The following TTC13 variants were observed in gnomAD, a reference collection of about 807,000 sequenced individuals.
TTC13 encodes tetratricopeptide repeat protein 13.
In TTC13, 62 loss-of-function variants were observed where a neutral mutation model predicts 120.0. The ratio of observed to expected loss-of-function variants is 0.52; its 90% CI spans 0.42 to 0.64. The LOEUF (loss-of-function observed/expected upper bound fraction) is 0.64. Ranked by LOEUF, TTC13 falls within the 30% of genes least tolerant of loss-of-function variation. The probability of loss-of-function intolerance (pLI) is 0.00; values close to 1 mark genes in which losing one functional copy is unlikely to be tolerated. For missense variants in TTC13, 824 were observed against 1,050.2 expected (o/e 0.78, Z 2.98); for synonymous variants, 384 against 393.5 (o/e 0.98, Z 0.28).
chr1:230,908,930 G>A lies in TTC13; in HGVS notation c.2388+12C>T, dbSNP rs140533393. 3.9e-4 allele frequency: 634 copies of A among 1,613,674 alleles called. 6 individuals are homozygous for A. The African/African-American group carries it at 7.2e-3, about 18-fold the overall frequency. On this transcript the variant is annotated intron_variant, in intron 21 of 22. Coordinates refer to ENST00000366661, the MANE Select transcript of TTC13 (RefSeq NM_024525.5). Reference sequence around the variant, plus strand: ...CATAACCAAGCATTTCTCCCTTCCCGCTCCAACATACCTTCCCTTTGGGAA... The same window carrying A: ...CATAACCAAGCATTTCTCCCTTCCCACTCCAACATACCTTCCCTTTGGGAA...
chr1:230,947,315 A>G (rs928535203), intron 4 of TTC13, among the ~76,000 whole-genome samples: 2 of 152,144 alleles, frequency 1.3e-5, no homozygotes, highest in Non-Finnish European at 2.9e-5. Context: ...GCAGGAAAAA[A>G]GGGAACCTAA....
rs1223413654 is a variant in TTC13 at position 230,978,648 on chromosome 1, G to A, written c.183C>T (p.His61=). Residue 61 remains histidine, a synonymous_variant, in exon 1 of 23, where the codon CAC becomes CAT. Coordinates refer to ENST00000366661, the MANE Select transcript of TTC13 (RefSeq NM_024525.5). This position sits in a 1 kb window ranked among gnomAD's most constrained non-coding sequence, Gnocchi z 5.6. ...PLSLLKQELQ[H]RQQQEAPAGG... is the part of the protein sequence containing the mutation. The stretch of plus-strand genomic sequence containing the variant: ...CCGCCGGGGCCTCCTGCTGCTGCCG[G>A]TGCTGCAGCTCCTGCTTGAGCAGGG... 4 of 1,477,342 alleles carry A rather than the reference G, an allele frequency of 2.7e-6. No homozygotes were observed. The highest frequency in any genetic ancestry group is 3.6e-6 in the Non-Finnish European group (4 of 1,121,864). The allele number at this position is 1,477,342 out of a possible 1,614,324, so 91.5% of individuals were successfully genotyped here. A position where few individuals can be genotyped will look rare whatever the true frequency, so the allele number is the denominator to read the frequency against.
chr1:230,937,113 A>G (rs1674138926), intron 8 of TTC13, among the ~76,000 whole-genome samples: 1 of 152,232 alleles, frequency 6.6e-6, no homozygotes, highest in Non-Finnish European at 1.5e-5. Context: ...TTAATGCTCA[A>G]AATGAAAGCA....
chr1:230,925,622 T>C lies in TTC13; in HGVS notation c.1483A>G (p.Ser495Gly), dbSNP rs753943107. Residue 495 changes from serine to glycine, a missense_variant, in exon 13 of 23, where the codon AGT (serine) becomes GGT (glycine). Coordinates refer to ENST00000366661, the MANE Select transcript of TTC13 (RefSeq NM_024525.5). Reference sequence around the variant, plus strand: ...AGCTCCTGTACTTCAGGCTTATAACTCTCAAAATTCTGATGTAACACATCT... The same window carrying C: ...AGCTCCTGTACTTCAGGCTTATAACCCTCAAAATTCTGATGTAACACATCT... ...IKDVLHQNFE[S>G]YKPEVQELIC... 2 of 1,614,038 alleles carry C rather than the reference T, an allele frequency of 1.2e-6. No individual in the cohort carries two copies. The highest frequency in any genetic ancestry group is 1.7e-6 in the Non-Finnish European group (2 of 1,179,936).
intron 4 of TTC13, among the ~76,000 whole-genome samples, chr1:230,947,684 A>G (rs1194725087): frequency 1.3e-5 from 2 of 152,216 alleles, no homozygotes; most frequent in Admixed American, 1.3e-4. Context: ...GATAACATAC[A>G]TCTCCAGGAA....
intron 12 of TTC13, 134 bp downstream of exon 12, chr1:230,928,803 G>T: frequency 1.3e-6 from 1 of 799,522 alleles, no homozygotes; most frequent in Non-Finnish European, 2.0e-6. Flanking sequence ...AGGATAGTAT[G>T]CTTGATTGAA....
At chr1:230,922,988 G>A (rs1388280796) in intron 15 of TTC13, among the ~76,000 whole-genome samples, 1 of 151,938 alleles carries the variant, frequency 6.6e-6, no homozygotes, top group African/African-American at 2.4e-5. Context: ...AAGTCACAAG[G>A]TGAAAAGAAA....
chr1:230,910,934 C>A (rs571555678), intron 20 of TTC13, among the ~76,000 whole-genome samples: 49 of 152,326 alleles, frequency 3.2e-4, no homozygotes, highest in African/African-American at 1.1e-3. Flanking sequence ...ATTTACTGCA[C>A]ACAGTGCTGG....
chr1:230,924,946 A>T lies in TTC13; in HGVS notation c.1616T>A (p.Met539Lys). 6.2e-7 allele frequency: 1 copy of T among 1,614,226 alleles called. No individual in the cohort carries two copies. The highest frequency in any genetic ancestry group is 8.5e-7 in the Non-Finnish European group (1 of 1,180,042). The change falls in exon 14 of 23, where the codon ATG becomes AAG. Residue 539 changes from methionine (M) to lysine (K), a missense_variant. Met to Lys is a moderately conservative substitution (Grantham distance 95). Coordinates refer to ENST00000366661, the MANE Select transcript of TTC13 (RefSeq NM_024525.5). The part of the protein sequence containing the change: ...RAMGLAALEV[M>K]QAVQRTWTNS... ...GGTCCATGTACGCTGCACGGCTTGC[A>T]TGACCTCCAATGCGGCCAAACCCAT...
intron 1 of TTC13, among the ~76,000 whole-genome samples, chr1:230,965,359 C>CAT (rs1677033987): frequency 6.6e-6 from 1 of 152,066 alleles, no homozygotes. Context: ...GGCCAACAGG[C>CAT]ATATGAAAAG....
intron 8 of TTC13, among the ~76,000 whole-genome samples, chr1:230,937,281 T>C (rs760142845): frequency 5.9e-5 from 9 of 152,218 alleles, no homozygotes; most frequent in Admixed American, 2.0e-4. Flanking sequence ...ACAGTAACAA[T>C]GTTAAAAGTG....
At chr1:230,974,528 G>T (rs1383159344) in intron 1 of TTC13, among the ~76,000 whole-genome samples, 9 of 152,188 alleles carry the variant, frequency 5.9e-5, no homozygotes, top group Non-Finnish European at 1.2e-4. Flanking sequence ...CAGGTCTGTA[G>T]CCTAGAAGCA....
intron 4 of TTC13, among the ~76,000 whole-genome samples, chr1:230,949,404 T>TAA (rs71668369): frequency 4.1e-5 from 2 of 48,222 alleles, no homozygotes; most frequent in African/African-American, 7.8e-5. Flanking sequence ...AATTTTAAAT[T>TAA]AAAAAAAAAA....
chr1:230,920,444 T>C (rs757856096), intron 17 of TTC13, 66 bp downstream of exon 17: 1 of 1,159,874 alleles, frequency 8.6e-7, no homozygotes, highest in African/African-American at 1.5e-5. Flanking sequence ...GAGTTCTTTT[T>C]AAAAAAGTGC....
At chr1:230,927,696 G>A (rs1176569461) in intron 12 of TTC13, among the ~76,000 whole-genome samples, 2 of 152,040 alleles carry the variant, frequency 1.3e-5, no homozygotes, top group Non-Finnish European at 2.9e-5. Flanking sequence ...TTAGGTTCAA[G>A]GTAGTCCAAT....
intron 3 of TTC13, among the ~76,000 whole-genome samples, chr1:230,956,041 G>C (rs1255301707): frequency 6.6e-6 from 1 of 152,222 alleles, no homozygotes; most frequent in Non-Finnish European, 1.5e-5. Context: ...GCCAGGCACA[G>C]TAATATCCTT....
At chr1:230,977,755 G>A (rs1678480151) in intron 1 of TTC13, among the ~76,000 whole-genome samples, 1 of 151,970 alleles carries the variant, frequency 6.6e-6, no homozygotes, top group South Asian at 2.1e-4. Context: ...GAGATTGATG[G>A]GTAAAAAGAC....
intron 1 of TTC13, among the ~76,000 whole-genome samples, chr1:230,962,516 G>A (rs1319796966): frequency 6.6e-6 from 1 of 152,100 alleles, no homozygotes; most frequent in Non-Finnish European, 1.5e-5. Context: ...GTGTAAAATG[G>A]TACACCAGTT....
Position 230,978,639 on chromosome 1 carries a change from C to G in TTC13, c.192G>C (p.Gln64His). 6.8e-7 allele frequency: 1 copy of G among 1,473,286 alleles called. No homozygotes were observed. Among genetic ancestry groups the G allele is most frequent in the Non-Finnish European group, 8.9e-7 (1 of 1,119,524 alleles). The allele number at this position is 1,473,286 out of a possible 1,614,324, so 91.3% of individuals were successfully genotyped here. ...CGCCGCCGCCCGCCGGGGCCTCCTG[C>G]TGCTGCCGGTGCTGCAGCTCCTGCT... ...LLKQELQHRQ[Q>H]QEAPAGGGGC... The change falls in exon 1 of 23, where the codon CAG becomes CAC. Residue 64 changes from glutamine to histidine, a missense_variant. Coordinates refer to ENST00000366661, the MANE Select transcript of TTC13 (RefSeq NM_024525.5). The surrounding 1 kb of genome is among the most constrained non-coding windows in gnomAD (Gnocchi z 5.6).
Sources: allele counts gnomAD v4.1 joint callset (sites outside exome capture counted in the v4.1 genomes callset), GRCh38; gene constraint gnomAD v4.1.1; non-coding constraint Gnocchi (gnomAD v3.1); transcripts MANE v1.5; gene names NCBI Gene and HGNC (gene_info 2026-07-23, HGNC 2026-07-21).